Variants in TTC21B observed in about 807,000 individuals in gnomAD.
The protein encoded by TTC21B is tetratricopeptide repeat protein 21B.
Under a neutral mutation model 175.1 loss-of-function variants are expected in TTC21B, and 127 were observed. The observed-to-expected ratio is 0.73, with a 90% CI of 0.63 to 0.84. The LOEUF (loss-of-function observed/expected upper bound fraction) is 0.84. Among genes scored for constraint, TTC21B ranks in the 40% least tolerant of loss-of-function variants. TTC21B has a pLI of 0.00. For synonymous variants in TTC21B, 524 were observed against 524.5 expected (o/e 1.00, Z 0.01); for missense variants, 1,561 against 1,558.3 (o/e 1.00, Z -0.03).
intron 6 of TTC21B, among the ~76,000 whole-genome samples, chr2:165,933,588 A>G (rs1686994563): frequency 6.6e-6 from 1 of 152,234 alleles, no homozygotes; most frequent in African/African-American, 2.4e-5. Context: ...AATTCCTATG[A>G]AACTGTACTC....
chr2:165,882,100 G>A (rs951251096), intron 26 of TTC21B, among the ~76,000 whole-genome samples: 2 of 152,082 alleles, frequency 1.3e-5, no homozygotes, highest in Admixed American at 1.3e-4. Flanking sequence ...CCCTAGCCCT[G>A]CCATAGATGT....
At chr2:165,881,276 C>T (rs182469388) in intron 26 of TTC21B, among the ~76,000 whole-genome samples, 8 of 152,262 alleles carry the variant, frequency 5.3e-5, no homozygotes, top group Non-Finnish European at 1.0e-4. Flanking sequence ...AAGAAAAAGA[C>T]GTTATTTAAA....
Position 165,917,487 on chromosome 2 carries a change from G to A in TTC21B, c.1675-6C>T. The stretch of plus-strand genomic sequence containing the variant: ...TATAAAGGATAGTCTCTCACCTGAA[G>A]AATAATATTTAATATTTCCTTGGAG... On this transcript the variant is annotated splice_region_variant and splice_polypyrimidine_tract_variant and intron_variant, in intron 13 of 28. Transcript: ENST00000243344. The A allele has an allele frequency of 6.3e-7, 1 of 1,595,498 alleles. No individual in the cohort carries two copies. Among genetic ancestry groups the A allele is most frequent in the Non-Finnish European group, 8.6e-7 (1 of 1,164,288 alleles).
At chr2:165,945,758 A>G in intron 3 of TTC21B, 68 bp from the exon 4 acceptor site, 1 of 1,518,720 alleles carries the variant, frequency 6.6e-7, no homozygotes, top group Non-Finnish European at 9.0e-7. Context: ...AGGTCAGATA[A>G]TTAACAAGGC....
intron 18 of TTC21B, among the ~76,000 whole-genome samples, chr2:165,910,413 AG>A (rs1040814216): frequency 1.3e-5 from 2 of 152,070 alleles, no homozygotes; most frequent in Non-Finnish European, 2.9e-5. Flanking sequence ...AAAAAAAAAA[AG>A]ATCTTAAAAA....
At chr2:165,950,775 T>A (rs1687740306) in intron 1 of TTC21B, among the ~76,000 whole-genome samples, 1 of 152,150 alleles carries the variant, frequency 6.6e-6, no homozygotes, top group Non-Finnish European at 1.5e-5. Flanking sequence ...ACCTGGCTAA[T>A]TTTTGTATTT....
chr2:165,926,503 C>T (rs543891576), intron 11 of TTC21B, among the ~76,000 whole-genome samples: 21 of 152,222 alleles, frequency 1.4e-4, no homozygotes, highest in Non-Finnish European at 2.8e-4. Flanking sequence ...TTTGTCTCCT[C>T]GTGTCCCTTT....
chr2:165,943,402 A>G, intron 4 of TTC21B, 61 bp from the exon 5 acceptor site: 1 of 1,319,610 alleles, frequency 7.6e-7, no homozygotes. Context: ...ATGTTAATGA[A>G]AGAGCCTAAT....
intron 6 of TTC21B, 149 bp downstream of exon 6, chr2:165,940,878 A>T (rs895727968): frequency 3.8e-6 from 3 of 782,882 alleles, no homozygotes; most frequent in Non-Finnish European, 6.2e-6. Context: ...AATGTTTAAA[A>T]GCAGTATGAT....
At chr2:165,911,195 G>C in intron 18 of TTC21B, 132 bp downstream of exon 18, 1 of 1,125,324 alleles carries the variant, frequency 8.9e-7, no homozygotes, top group Non-Finnish European at 1.3e-6. Flanking sequence ...TCTGATAAAA[G>C]AAAAAATACG....
chr2:165,898,369 G>A (rs1434808555), intron 22 of TTC21B, among the ~76,000 whole-genome samples: 3 of 152,186 alleles, frequency 2.0e-5, no homozygotes, highest in Non-Finnish European at 2.9e-5. Context: ...GCTTTTAACT[G>A]TGGGCAAGAA....
At chr2:165,945,073 C>T (rs1687501301) in intron 4 of TTC21B, among the ~76,000 whole-genome samples, 1 of 152,198 alleles carries the variant, frequency 6.6e-6, no homozygotes, top group Non-Finnish European at 1.5e-5. Flanking sequence ...TCATTTTTCT[C>T]ACAATATTAG....
At chr2:165,944,505 A>G (rs114494613) in intron 4 of TTC21B, among the ~76,000 whole-genome samples, 170 of 152,258 alleles carry the variant, frequency 1.1e-3, no homozygotes, top group African/African-American at 3.5e-3. Flanking sequence ...AAAACCTTCC[A>G]CAAGGAAGTA....
chr2:165,944,891 A>T (rs1245675945), intron 4 of TTC21B, among the ~76,000 whole-genome samples: 1 of 152,092 alleles, frequency 6.6e-6, no homozygotes, highest in African/African-American at 2.4e-5. Context: ...TCCATCTTTC[A>T]GGTTTTAGCT....
chr2:165,917,027 C>T (rs576196953), intron 14 of TTC21B, among the ~76,000 whole-genome samples: 3 of 152,164 alleles, frequency 2.0e-5, no homozygotes, highest in African/African-American at 7.2e-5. Context: ...CAGGTGCGCA[C>T]TACCACATCC....
chr2:165,901,955 T>G, intron 19 of TTC21B, 45 bp from the exon 20 acceptor site: 1 of 1,472,320 alleles, frequency 6.8e-7, no homozygotes, highest in Non-Finnish European at 9.5e-7. Context: ...AAAAAGGAAA[T>G]TAAATTCTCC....
intron 9 of TTC21B, 27 bp from the exon 10 acceptor site, chr2:165,929,774 C>A (rs1294390646): frequency 1.3e-6 from 2 of 1,485,462 alleles, no homozygotes; most frequent in South Asian, 1.1e-5. Flanking sequence ...GAAAGACAGT[C>A]AAAGTCCACA....
intron 27 of TTC21B, among the ~76,000 whole-genome samples, chr2:165,876,586 A>G (rs868637472): frequency 1.3e-5 from 2 of 152,228 alleles, no homozygotes; most frequent in Non-Finnish European, 2.9e-5. Context: ...ACAGCCATTC[A>G]TTTATACAGT....
chr2:165,951,781 T>C (rs986269353), intron 1 of TTC21B, among the ~76,000 whole-genome samples: 2 of 152,246 alleles, frequency 1.3e-5, no homozygotes, highest in Non-Finnish European at 1.5e-5. Context: ...CAGATGAGAC[T>C]GTAATCTGAA....
Sources: allele counts gnomAD v4.1 joint callset (sites outside exome capture counted in the v4.1 genomes callset), GRCh38; gene constraint gnomAD v4.1.1; transcripts MANE v1.5; gene names NCBI Gene and HGNC (gene_info 2026-07-23, HGNC 2026-07-21).